The following KLHL22 variants were observed in gnomAD, a reference collection of about 807,000 sequenced individuals.
KLHL22 encodes the protein kelch like family member 22.
In KLHL22, 18 loss-of-function variants were observed where a neutral mutation model predicts 60.7. The ratio of observed to expected loss-of-function variants is 0.30; its 90% confidence interval spans 0.20 to 0.44. The LOEUF (loss-of-function observed/expected upper bound fraction) is 0.44, where lower values mean the gene tolerates loss of function less well. Ranked by LOEUF, KLHL22 falls within the 20% of genes least tolerant of loss-of-function variation. The pLI, the probability that KLHL22 is intolerant of heterozygous loss-of-function variation, is 1.00. For missense variants in KLHL22, 596 were observed against 852.3 expected, an observed-to-expected ratio of 0.70 and a Z score of 3.74; for synonymous variants, 355 against 354.5, an observed-to-expected ratio of 1.00 and a Z score of -0.01.
intron 2 of KLHL22, chr22:20,484,113 G>A (rs545127147): frequency 1.2e-5 from 10 of 820,000 alleles, no homozygotes; most frequent in Admixed American, 3.6e-5. Flanking sequence ...CATGCTGTCC[G>A]GGGAGGAGAG....
At chr22:20,494,914 G>A (rs1041821369) in intron 1 of KLHL22, among the ~76,000 whole-genome samples, 1 of 152,216 alleles carries the variant, frequency 6.6e-6, no homozygotes, top group Non-Finnish European at 1.5e-5. Flanking sequence ...GCCCCCGAAC[G>A]AGCAGTATCC....
intron 1 of KLHL22, among the ~76,000 whole-genome samples, chr22:20,490,127 T>C (rs1046420734): frequency 2.0e-5 from 3 of 152,206 alleles, no homozygotes; most frequent in Admixed American, 6.5e-5. Flanking sequence ...ATGGCCAAGC[T>C]GCAGGCTCTG....
intron 6 of KLHL22, among the ~76,000 whole-genome samples, chr22:20,444,950 T>A (rs1051170948): frequency 2.6e-5 from 4 of 151,672 alleles, no homozygotes; most frequent in African/African-American, 9.7e-5. Context: ...CCTGGCTAAT[T>A]TTTTTTTGTA....
In KLHL22 at chr22:20,446,534, C is replaced by T. The variant is rs759244452; in HGVS notation, c.1448G>A (p.Arg483His). 19 of 1,613,526 alleles carry T rather than the reference C, an allele frequency of 1.2e-5. No homozygotes were observed. Among genetic ancestry groups the T allele is most frequent in the Non-Finnish European group, 1.4e-5 (17 of 1,179,930 alleles). ...GAGGGTTGCCATGCCGTGCCAGGCG[C>T]GCCGCACAGGCCCATCAGCCAGTGT... ...WHTLADGPVR[R>H]AWHGMATLLN... The change falls in exon 6 of 7, where the codon CGC becomes CAC. Residue 483 changes from arginine to histidine, a missense_variant. Transcript: ENST00000328879.
At position 20,450,146 on chromosome 22, in the gene KLHL22, G is replaced by A. The variant is rs918508805; in HGVS notation, c.1306-3470C>T. On this transcript the variant is annotated intron_variant, in intron 5 of 6. Coordinates refer to ENST00000328879, the MANE Select transcript of KLHL22 (RefSeq NM_032775.4). Reference sequence around the variant, plus strand: ...TATGGGAGGCATTATGGCCCCCAAAGACATAATGACAAATACTCATGCTAA... The same window carrying A: ...TATGGGAGGCATTATGGCCCCCAAAAACATAATGACAAATACTCATGCTAA... 4 of 793,138 alleles carry A rather than the reference G, an allele frequency of 5.0e-6. No homozygotes were observed. The Admixed American group carries it at 6.8e-5, about 13-fold the overall frequency. 49.1% of individuals were successfully genotyped at this position (793,138 alleles called of 1,614,324 possible). A position where few individuals can be genotyped will look rare whatever the true frequency, so the allele number is the denominator to read the frequency against.
rs2053752929 is a variant in KLHL22 at position 20,495,404 on chromosome 22, G to T, written c.-34+356C>A. On this transcript the variant is annotated intron_variant, in intron 1 of 6. Transcript: ENST00000328879. The surrounding 1 kb of genome is among the most constrained non-coding windows in gnomAD (Gnocchi z 4.6). ...CAAGGCCGCCCGCTCCAGCGCGGAG[G>T]GTCGCGGCCAGGAAGGCCGCATTCG... Among the ~76,000 whole-genome samples, 1 of 152,002 alleles carries T rather than the reference G, an allele frequency of 6.6e-6. No homozygotes were observed. The highest frequency in any genetic ancestry group is 2.4e-5 in the African/African-American group (1 of 41,402).
chr22:20,465,804 T>A lies in KLHL22; in HGVS notation c.394-228A>T, dbSNP rs2053225693. 6.6e-6 allele frequency among the ~76,000 whole-genome samples: 1 copy of A among 152,050 alleles called. No homozygotes were observed. ...CTGGGTGACAGGATATACAGCATGT[T>A]TTTTTTTGGTTTTGTTTTGCTTTTC... On this transcript the variant is annotated intron_variant, in intron 3 of 6. Coordinates refer to ENST00000328879, the MANE Select transcript of KLHL22 (RefSeq NM_032775.4). The surrounding 1 kb of genome is among the most constrained non-coding windows in gnomAD (Gnocchi z 4.9).
chr22:20,454,062 A>T (rs2146189967), intron 5 of KLHL22, among the ~76,000 whole-genome samples: 1 of 152,318 alleles, frequency 6.6e-6, no homozygotes, highest in East Asian at 1.9e-4. Context: ...GCTGGATGTG[A>T]TGGCTCACTT....
chr22:20,446,710 G>C (rs769563988), intron 5 of KLHL22, 34 bp from the exon 6 acceptor site: 17 of 1,555,412 alleles, frequency 1.1e-5, no homozygotes, highest in Middle Eastern at 3.4e-4. Flanking sequence ...TGGCGTGAGA[G>C]GGCAGTGAGG....
intron 2 of KLHL22, among the ~76,000 whole-genome samples, chr22:20,472,189 A>G (rs898336239): frequency 3.9e-5 from 6 of 152,202 alleles, no homozygotes; most frequent in African/African-American, 1.4e-4. Context: ...GGAGGGTGCC[A>G]TGAGCCAAGA....
intron 2 of KLHL22, among the ~76,000 whole-genome samples, chr22:20,484,812 C>T (rs2053560769): frequency 6.6e-6 from 1 of 151,090 alleles, no homozygotes; most frequent in Non-Finnish European, 1.5e-5. Context: ...TCATGGCTCA[C>T]TGCAGCCTCA....
chr22:20,469,130 G>A (rs191465070), intron 3 of KLHL22, among the ~76,000 whole-genome samples: 1 of 152,134 alleles, frequency 6.6e-6, no homozygotes, highest in African/African-American at 2.4e-5. Context: ...AAGATGATCT[G>A]GTTTCAGTGT....
chr22:20,492,451 G>C (rs2053706205), intron 1 of KLHL22, among the ~76,000 whole-genome samples: 1 of 151,764 alleles, frequency 6.6e-6, no homozygotes. Flanking sequence ...AGGGATACCT[G>C]TCATCCCCTG....
intron 5 of KLHL22, chr22:20,450,847 T>C (rs1569123652): frequency 6.2e-7 from 1 of 1,600,682 alleles, no homozygotes; most frequent in Non-Finnish European, 8.6e-7. Flanking sequence ...TTTCATCCAC[T>C]ATGGTTTACA....
intron 3 of KLHL22, among the ~76,000 whole-genome samples, chr22:20,469,577 T>G (rs937768817): frequency 2.0e-5 from 3 of 151,968 alleles, no homozygotes; most frequent in African/African-American, 7.2e-5. Context: ...AGGGGGAAAT[T>G]CTTTTGTTGT....
At chr22:20,480,687 G>A (rs991233237) in intron 2 of KLHL22, among the ~76,000 whole-genome samples, 1 of 152,026 alleles carries the variant, frequency 6.6e-6, no homozygotes, top group Non-Finnish European at 1.5e-5. Context: ...ACGGGATCTG[G>A]GTCGGTGCCT....
At chr22:20,461,029 G>A (rs1478350656) in intron 4 of KLHL22, among the ~76,000 whole-genome samples, 1 of 152,176 alleles carries the variant, frequency 6.6e-6, no homozygotes, top group African/African-American at 2.4e-5. Context: ...GAACACAGAC[G>A]GAAAGGACCT....
rs113492952 is a variant in KLHL22, at chr22:20,452,099, T to A, written c.1306-5423A>T. ...TCTCCCACTACTTTGGGGAGCACTT[T>A]CCTGTCATTTCTAACTTACCACGTG... On this transcript the variant is annotated intron_variant, in intron 5 of 6. Transcript: ENST00000328879. 5.8e-3 allele frequency among the ~76,000 whole-genome samples: 879 copies of A among 152,110 alleles called. 9 individuals carry two copies. Among genetic ancestry groups the A allele is most frequent in the African/African-American group, 0.02 (831 of 41,476 alleles).
intron 2 of KLHL22, among the ~76,000 whole-genome samples, chr22:20,478,508 CTTTTTTTTT>C (rs1196419660): frequency 8.9e-5 from 6 of 67,684 alleles, no homozygotes; most frequent in East Asian, 6.2e-4. Flanking sequence ...AAACTTAATT[CTTTTTTTTT>C]TTTTTTTTTT....
Sources: gnomAD v4.1 joint callset for allele counts (sites outside exome capture counted in the v4.1 genomes callset) on GRCh38, gnomAD v4.1.1 for gene constraint, Gnocchi (gnomAD v3.1) non-coding constraint, MANE v1.5 for transcripts, NCBI Gene and HGNC (gene_info 2026-07-23, HGNC 2026-07-21) for gene names.